Variants in TMEM164 observed in about 807,000 individuals in gnomAD.
TMEM164 encodes the protein transmembrane protein 164, also known as RP13-360B22.2.
In TMEM164, 4 loss-of-function variants were observed where a neutral mutation model predicts 18.8. The observed-to-expected ratio is 0.21, with a 90% confidence interval of 0.10 to 0.49. TMEM164 has a LOEUF of 0.49. TMEM164 is among the 20% of genes least tolerant of loss of function. TMEM164 has a pLI of 0.98. For missense variants in TMEM164, 108 were observed against 239.9 expected, an observed-to-expected ratio of 0.45 and a Z score of 3.63; for synonymous variants, 86 against 101.7, an observed-to-expected ratio of 0.85 and a Z score of 0.93.
chrX:110,021,206 AT>A (rs1318983558), intron 2 of TMEM164, among the ~76,000 whole-genome samples: 1 of 111,950 alleles, frequency 8.9e-6, no homozygotes, highest in African/African-American at 3.3e-5. Flanking sequence ...AGAAAGGATG[AT>A]TGGCAGCCTG....
At chrX:110,042,397 G>T (rs1332507517) in intron 2 of TMEM164, among the ~76,000 whole-genome samples, 1 of 111,996 alleles carries the variant, frequency 8.9e-6, no homozygotes, top group Non-Finnish European at 1.9e-5. Flanking sequence ...TATATTGTAT[G>T]TATAGATCAC....
At chrX:110,164,521 A>G (rs1050915840) in intron 5 of TMEM164, among the ~76,000 whole-genome samples, 5 of 111,484 alleles carry the variant, frequency 4.5e-5, no homozygotes, top group African/African-American at 1.6e-4. Flanking sequence ...ATAAGGTCTC[A>G]GGCACGACCA....
intron 5 of TMEM164, among the ~76,000 whole-genome samples, chrX:110,159,290 G>A (rs1160017195): frequency 9.0e-6 from 1 of 111,060 alleles, no homozygotes; most frequent in African/African-American, 3.3e-5. Flanking sequence ...AAGGCTAGAA[G>A]AGAGCTGGGG....
chrX:110,041,706 G>T (rs1422479394), intron 2 of TMEM164, among the ~76,000 whole-genome samples: 2 of 111,874 alleles, frequency 1.8e-5, no homozygotes, highest in Non-Finnish European at 3.8e-5. Context: ...ACGATCAGAA[G>T]TACTTCAGAG....
At chrX:110,079,464 T>C (rs1175169893) in intron 3 of TMEM164, among the ~76,000 whole-genome samples, 1 of 112,006 alleles carries the variant, frequency 8.9e-6, no homozygotes, top group African/African-American at 3.2e-5. Context: ...ATTGCTATGA[T>C]TGTACTTTGT....
intron 5 of TMEM164, among the ~76,000 whole-genome samples, chrX:110,162,956 A>C (rs777734048): frequency 8.0e-5 from 9 of 111,994 alleles, no homozygotes; most frequent in Non-Finnish European, 1.7e-4. Context: ...TGACCTTCTG[A>C]TCATTTCTCA....
intron 3 of TMEM164, among the ~76,000 whole-genome samples, chrX:110,108,191 T>A (rs2066239971): frequency 2.9e-5 from 3 of 104,125 alleles, no homozygotes; most frequent in African/African-American, 1.1e-4. Flanking sequence ...TCGGTGGTGG[T>A]TGTCCATGAC....
chrX:110,030,114 T>A (rs1306422696), intron 2 of TMEM164, among the ~76,000 whole-genome samples: 2 of 68,272 alleles, frequency 2.9e-5, no homozygotes, highest in East Asian at 8.9e-4. Flanking sequence ...GTCTGTTTTT[T>A]TTTTTTTTTT....
At chrX:110,170,859 C>T in intron 5 of TMEM164, among the ~76,000 whole-genome samples, 1 of 111,842 alleles carries the variant, frequency 8.9e-6, no homozygotes, top group Non-Finnish European at 1.9e-5. Flanking sequence ...CTATTGTCCC[C>T]ATTTTACAGG....
chrX:110,163,900 A>G (rs939824299), intron 5 of TMEM164, among the ~76,000 whole-genome samples: 11 of 112,033 alleles, frequency 9.8e-5, no homozygotes, highest in Non-Finnish European at 1.5e-4. Flanking sequence ...TAGATGGGTA[A>G]ATGTGATTGT....
intron 5 of TMEM164, among the ~76,000 whole-genome samples, chrX:110,167,933 G>A (rs1219807502): frequency 8.9e-6 from 1 of 112,081 alleles, no homozygotes; most frequent in Non-Finnish European, 1.9e-5. Context: ...CTTTCCCTCT[G>A]CAGCATGGGG....
At chrX:110,031,272 A>T (rs973162658) in intron 2 of TMEM164, among the ~76,000 whole-genome samples, 3 of 112,020 alleles carry the variant, frequency 2.7e-5, no homozygotes, top group Middle Eastern at 4.2e-3. Flanking sequence ...TCCATGGTGT[A>T]TATGTGCCAC....
In TMEM164 at chrX:110,003,668, G is replaced by GT; in HGVS notation, c.-106dup. On this transcript the variant is annotated 5_prime_UTR_variant, in exon 2 of 7. Coordinates refer to ENST00000372068, the MANE Select transcript of TMEM164 (RefSeq NM_032227.4). Reference sequence around the variant, plus strand: ...GTGCCCTGGTGTCTGGAGGGGGGTTGTGGGGGTGTGCCCGCCTTACATGGT... The same window carrying GT: ...GTGCCCTGGTGTCTGGAGGGGGGTTGTTGGGGGTGTGCCCGCCTTACATGGT... 2 of 950,430 alleles carry GT rather than the reference G, an allele frequency of 2.1e-6. No individual in the cohort carries two copies. The highest frequency in any genetic ancestry group is 2.9e-6 in the Non-Finnish European group (2 of 700,786). The allele number at this position is 950,430 out of a possible 1,213,427, so 78.3% of individuals were successfully genotyped here.
At chrX:110,014,359 G>A (rs1933184705) in intron 2 of TMEM164, among the ~76,000 whole-genome samples, 1 of 111,696 alleles carries the variant, frequency 9.0e-6, no homozygotes, top group African/African-American at 3.3e-5. Context: ...CATGAAGTTA[G>A]CACCCATGTA....
chrX:110,008,572 C>T (rs1229094268), intron 2 of TMEM164, among the ~76,000 whole-genome samples: 2 of 111,234 alleles, frequency 1.8e-5, no homozygotes, highest in East Asian at 5.7e-4. Flanking sequence ...GTTTCTCCCC[C>T]CAAGGAAATT....
intron 2 of TMEM164, among the ~76,000 whole-genome samples, chrX:110,017,444 T>TTCTTTTCTTTC (rs1182465665): frequency 7.0e-5 from 3 of 43,016 alleles, no homozygotes; most frequent in African/African-American, 2.5e-4. Context: ...CTTTCTTTCT[T>TTCTTTTCTTTC]TCTCTCTCTC....
chrX:110,026,190 A>G (rs902380612), intron 2 of TMEM164, among the ~76,000 whole-genome samples: 1 of 112,183 alleles, frequency 8.9e-6, no homozygotes, highest in Non-Finnish European at 1.9e-5. Flanking sequence ...AGCTGTCTGA[A>G]GGGGCTGAGG....
intron 2 of TMEM164, among the ~76,000 whole-genome samples, chrX:110,055,792 G>T (rs745551260): frequency 3.6e-5 from 4 of 110,820 alleles, no homozygotes; most frequent in Non-Finnish European, 1.9e-5. Flanking sequence ...GGAAGGAATA[G>T]CGAGAAGAAA....
rs113011412 is a variant in TMEM164, at chrX:110,017,799, C to T, written c.390+13635C>T. Among the ~76,000 whole-genome samples, 883 of 108,888 alleles carry T rather than the reference C, an allele frequency of 8.1e-3. 10 individuals carry two copies. The highest frequency in any genetic ancestry group is 0.027 in the African/African-American group (809 of 29,784). 94.6% of individuals were successfully genotyped at this position (108,888 alleles called of 115,157 possible). A position where few individuals can be genotyped will look rare whatever the true frequency, so the allele number is the denominator to read the frequency against. On this transcript the variant is annotated intron_variant, in intron 2 of 6. Coordinates refer to ENST00000372068, the MANE Select transcript of TMEM164 (RefSeq NM_032227.4). ...GGTCAGGCTGGTCTCGAACTCCTGACCTCAGGTGATCTGTCTGCCTCCACC... is the reference window on the plus strand; with the variant it reads ...GGTCAGGCTGGTCTCGAACTCCTGATCTCAGGTGATCTGTCTGCCTCCACC...
Sources: allele counts gnomAD v4.1 joint callset (sites outside exome capture counted in the v4.1 genomes callset), GRCh38; gene constraint gnomAD v4.1.1; transcripts MANE v1.5; gene names NCBI Gene and HGNC (gene_info 2026-07-23, HGNC 2026-07-21).